PAQR4: variants seen among roughly 807,000 people sequenced by gnomAD.
PAQR4 encodes the protein progestin and adipoQ receptor family member 4.
PAQR4 carries 26 observed loss-of-function variants against 20.9 expected under a neutral mutation model. The observed-to-expected ratio is 1.24, with a 90% CI of 0.91 to 1.73. The LOEUF (loss-of-function observed/expected upper bound fraction) is 1.73, where lower values mean the gene tolerates loss of function less well. Ranked by LOEUF, PAQR4 falls within the 40% of genes most tolerant of loss-of-function variation. PAQR4 has a pLI of 0.00. For missense variants in PAQR4, 400 were observed against 380.1 expected, an observed-to-expected ratio of 1.05 and a Z score of -0.44; for synonymous variants, 193 against 171.6, an observed-to-expected ratio of 1.12 and a Z score of -0.97.
In PAQR4 at chr16:2,972,181, G is replaced by A. The variant is rs751594863; in HGVS notation, c.*233G>A. On this transcript the variant is annotated 3_prime_UTR_variant, in exon 3 of 3. Coordinates refer to ENST00000318782, the MANE Select transcript of PAQR4 (RefSeq NM_152341.5). The stretch of plus-strand genomic sequence containing the variant: ...AAGCTCCTATTTTACTGTGTCAGCT[G>A]GAAGGAAACCTTTCCCTCTTGGGAC... The A allele has an allele frequency of 1.8e-6, 1 of 570,820 alleles. No homozygotes were observed. The highest frequency in any genetic ancestry group is 3.1e-6 in the Non-Finnish European group (1 of 327,604). 35.4% of individuals were successfully genotyped at this position (570,820 alleles called of 1,614,324 possible). A position where few individuals can be genotyped will look rare whatever the true frequency, so the allele number is the denominator to read the frequency against.
chr16:2,971,453 T>A, intron 2 of PAQR4, 62 bp from the exon 3 acceptor site: 1 of 1,576,384 alleles, frequency 6.3e-7, no homozygotes, highest in Non-Finnish European at 8.6e-7. Context: ...AAGCCATGGG[T>A]AGGGAAGGGC....
At position 2,971,315 on chromosome 16, in the gene PAQR4, A is replaced by G; in HGVS notation, c.325A>G (p.Ser109Gly). 6.2e-7 allele frequency: 1 copy of G among 1,612,538 alleles called. No individual in the cohort carries two copies. The highest frequency in any genetic ancestry group is 2.2e-5 in the East Asian group (1 of 44,886). ...CCTCTTTATGTGCCACCAAGGGGGCAGCGCTGTGTACGCCCGGCTCCTCGC... is the reference window on the plus strand; with the variant it reads ...CCTCTTTATGTGCCACCAAGGGGGCGGCGCTGTGTACGCCCGGCTCCTCGC... Reference protein sequence around the residue: ...YHLFMCHQGGSAVYARLLALD... With the variant: ...YHLFMCHQGGGAVYARLLALD... The change falls in exon 2 of 3, where the codon AGC becomes GGC. Residue 109 changes from serine to glycine, a missense_variant. Ser to Gly is a moderately conservative substitution (Grantham distance 56). Coordinates refer to ENST00000318782, the MANE Select transcript of PAQR4 (RefSeq NM_152341.5).
chr16:2,972,698 C>T lies in PAQR4; in HGVS notation c.*750C>T. 8 of 1,535,914 alleles carry T rather than the reference C, an allele frequency of 5.2e-6. No individual in the cohort carries two copies. Among genetic ancestry groups the T allele is most frequent in the Non-Finnish European group, 6.1e-6 (7 of 1,146,838 alleles). ...ACAGCATGGGGCTTCAGCTGCTGGC[C>T]CAAGGCCAGGAGCGCTGGGTTCTGC... On this transcript the variant is annotated 3_prime_UTR_variant, in exon 3 of 3. Transcript: ENST00000318782.
At position 2,971,834 on chromosome 16, in the gene PAQR4, G is replaced by T. The variant is rs1018352019; in HGVS notation, c.708G>T (p.Trp236Cys). The T allele has an allele frequency of 1.2e-6, 2 of 1,612,462 alleles. No homozygotes were observed. Among genetic ancestry groups the T allele is most frequent in the Non-Finnish European group, 1.7e-6 (2 of 1,179,916 alleles). The change falls in exon 3 of 3, where the codon TGG becomes TGT. Residue 236 changes from tryptophan to cysteine, a missense_variant. Trp to Cys is a radical substitution (Grantham distance 215). Transcript: ENST00000318782. ...ERWGPGRFDY[W>C]GNSHQIMHLL... is the part of the protein sequence containing the mutation. ...GGGGACCTGGCCGCTTTGACTACTG[G>T]GGCAACTCCCACCAGATCATGCACC...
Position 2,971,911 on chromosome 16 carries a change from TG to T in PAQR4, c.786del (p.Leu263SerfsTer63). On this transcript the variant is annotated frameshift_variant, in exon 3 of 3. Transcript: ENST00000318782. LOFTEE classifies it high-confidence loss of function. Reference protein sequence around the residue: ...LQLHAGVVPDLLWAAHHACPR... With the variant: ...LQLHAGVVPDXLWAAHHACPR... Reference sequence around the variant, plus strand: ...CTGCACGCCGGCGTCGTGCCCGACCTGCTCTGGGCTGCCCACCACGCCTGTC... The same window carrying T: ...CTGCACGCCGGCGTCGTGCCCGACCTCTCTGGGCTGCCCACCACGCCTGTC... 6.2e-7 allele frequency: 1 copy of T among 1,602,308 alleles called. No homozygotes were observed. Among genetic ancestry groups the T allele is most frequent in the Non-Finnish European group, 8.5e-7 (1 of 1,178,246 alleles).
At position 2,969,441 on chromosome 16, in the gene PAQR4, C is replaced by G. The variant is rs1413868105; in HGVS notation, c.-234C>G. ...AGCCGACCGCAGTGCGCTCAGGCGT[C>G]CGGTGCGTCCCCAGCCTCCGCCCCG... On this transcript the variant is annotated 5_prime_UTR_variant, in exon 1 of 3. Coordinates refer to ENST00000318782, the MANE Select transcript of PAQR4 (RefSeq NM_152341.5). The G allele has an allele frequency of 4.0e-6, 1 of 247,522 alleles. No homozygotes were observed. Among genetic ancestry groups the G allele is most frequent in the Non-Finnish European group, 7.5e-6 (1 of 134,014 alleles). 15.3% of individuals were successfully genotyped at this position (247,522 alleles called of 1,614,324 possible). A position where few individuals can be genotyped will look rare whatever the true frequency, so the allele number is the denominator to read the frequency against.
chr16:2,971,341 C>T lies in PAQR4; in HGVS notation c.351C>T (p.Ala117=). ...GCGCTGTGTACGCCCGGCTCCTCGC[C>T]CTGGACATGTGTGGGGTCTGCCTTG... is the stretch of plus-strand genomic sequence containing the variant. The part of the protein sequence containing the change: ...GGSAVYARLL[A]LDMCGVCLVN... Residue 117 remains alanine (A), a synonymous_variant, in exon 2 of 3, where the codon GCC becomes GCT. Coordinates refer to ENST00000318782, the MANE Select transcript of PAQR4 (RefSeq NM_152341.5). 1.9e-6 allele frequency: 3 copies of T among 1,611,480 alleles called. No homozygotes were observed. The highest frequency in any genetic ancestry group is 2.5e-6 in the Non-Finnish European group (3 of 1,179,982).
Position 2,971,155 on chromosome 16 carries a change from A to G in PAQR4, c.167-2A>G. On this transcript the variant is annotated splice_acceptor_variant, in intron 1 of 2. Coordinates refer to ENST00000318782, the MANE Select transcript of PAQR4 (RefSeq NM_152341.5). LOFTEE classifies it high-confidence loss of function. ...CTGGTAGATGACTGTCTCCCTCCCT[A>G]GGGCTGGCCCTGCTGGGCTTCCTGG... 1 of 1,612,900 alleles carries G rather than the reference A, an allele frequency of 6.2e-7. No homozygotes were observed. Among genetic ancestry groups the G allele is most frequent in the Non-Finnish European group, 8.5e-7 (1 of 1,179,750 alleles).
Position 2,973,243 on chromosome 16 carries a change from G to C in PAQR4, c.*1295G>C, listed in dbSNP as rs1372429681. 6.7e-7 allele frequency: 1 copy of C among 1,482,066 alleles called. No individual in the cohort carries two copies. Among genetic ancestry groups the C allele is most frequent in the Admixed American group, 2.5e-5 (1 of 40,798 alleles). The allele number at this position is 1,482,066 out of a possible 1,614,324, so 91.8% of individuals were successfully genotyped here. A position where few individuals can be genotyped will look rare whatever the true frequency, so the allele number is the denominator to read the frequency against. On this transcript the variant is annotated 3_prime_UTR_variant, in exon 3 of 3. Coordinates refer to ENST00000318782, the MANE Select transcript of PAQR4 (RefSeq NM_152341.5). ...GCAGGAGGGCAGGCGAGACAAGGAG[G>C]GTGTCCAGGGCTAGGGAGTGCCGGA...
chr16:2,971,546 CTGCAGGCCCTGGCT>C lies in PAQR4; in HGVS notation c.421_434del (p.Cys141AlafsTer89), dbSNP rs2071991978. ...TGCCCATCATCCACTGCACCCTGGC[CTGCAGGCCCTGGCT>C]GCGCCCGGCTGCCCTGGTGGGCTAC... On this transcript the variant is annotated frameshift_variant, in exon 3 of 3. Transcript: ENST00000318782. LOFTEE classifies it high-confidence loss of function. 1.3e-6 allele frequency: 2 copies of C among 1,593,636 alleles called. No homozygotes were observed. Among genetic ancestry groups the C allele is most frequent in the Non-Finnish European group, 8.5e-7 (1 of 1,175,636 alleles).
rs1001288145 is a variant in PAQR4 at position 2,973,325 on chromosome 16, G to C, written c.*1377G>C. The C allele has an allele frequency of 6.5e-6, 10 of 1,532,240 alleles. No individual in the cohort carries two copies. The African/African-American group carries it at 1.2e-4, about 19-fold the overall frequency. 94.9% of individuals were successfully genotyped at this position (1,532,240 alleles called of 1,614,324 possible). A position where few individuals can be genotyped will look rare whatever the true frequency, so the allele number is the denominator to read the frequency against. Reference sequence around the variant, plus strand: ...GGCTCCCGCCTGACAAACAGGCAGGGAGCCACAGTCAGGGACAATAAAAAC... The same window carrying C: ...GGCTCCCGCCTGACAAACAGGCAGGCAGCCACAGTCAGGGACAATAAAAAC... On this transcript the variant is annotated 3_prime_UTR_variant, in exon 3 of 3. Transcript: ENST00000318782.
chr16:2,973,235 A>G lies in PAQR4; in HGVS notation c.*1287A>G. 6.7e-7 allele frequency: 1 copy of G among 1,484,630 alleles called. No individual in the cohort carries two copies. Among genetic ancestry groups the G allele is most frequent in the Non-Finnish European group, 9.0e-7 (1 of 1,113,600 alleles). The allele number at this position is 1,484,630 out of a possible 1,614,324, so 92.0% of individuals were successfully genotyped here. Reference sequence around the variant, plus strand: ...GAAGGCCTGCAGGAGGGCAGGCGAGACAAGGAGGGTGTCCAGGGCTAGGGA... The same window carrying G: ...GAAGGCCTGCAGGAGGGCAGGCGAGGCAAGGAGGGTGTCCAGGGCTAGGGA... On this transcript the variant is annotated 3_prime_UTR_variant, in exon 3 of 3. Coordinates refer to ENST00000318782, the MANE Select transcript of PAQR4 (RefSeq NM_152341.5).
At chr16:2,970,450 G>C (rs2071954802) in intron 1 of PAQR4, among the ~76,000 whole-genome samples, 1 of 152,210 alleles carries the variant, frequency 6.6e-6, no homozygotes, top group Admixed American at 6.5e-5. Flanking sequence ...CACAAGGGTG[G>C]GCAGCCTTCG....
intron 1 of PAQR4, chr16:2,970,336 G>A (rs1168773937): frequency 6.1e-6 from 1 of 163,530 alleles, no homozygotes; most frequent in Non-Finnish European, 1.3e-5. Context: ...GAGCTCTGCT[G>A]ACACAGCCCT....
rs370559367 is a variant in PAQR4 at position 2,973,266 on chromosome 16, G to A, written c.*1318G>A. On this transcript the variant is annotated 3_prime_UTR_variant, in exon 3 of 3. Coordinates refer to ENST00000318782, the MANE Select transcript of PAQR4 (RefSeq NM_152341.5). ...AGGGTGTCCAGGGCTAGGGAGTGCC[G>A]GATGAAACCAGCTCTGTCCCTGTGC... is the stretch of plus-strand genomic sequence containing the variant. 102 of 1,483,750 alleles carry A rather than the reference G, an allele frequency of 6.9e-5. No homozygotes were observed. The African/African-American group carries it at 8.1e-4, about 12-fold the overall frequency. The allele number at this position is 1,483,750 out of a possible 1,614,324, so 91.9% of individuals were successfully genotyped here.
chr16:2,972,446 G>A lies in PAQR4; in HGVS notation c.*498G>A, dbSNP rs1051181611. 4.6e-6 allele frequency: 3 copies of A among 645,318 alleles called. No individual in the cohort carries two copies. Among genetic ancestry groups the A allele is most frequent in the Non-Finnish European group, 7.8e-6 (3 of 382,180 alleles). 40.0% of individuals were successfully genotyped at this position (645,318 alleles called of 1,614,324 possible). On this transcript the variant is annotated 3_prime_UTR_variant, in exon 3 of 3. Coordinates refer to ENST00000318782, the MANE Select transcript of PAQR4 (RefSeq NM_152341.5). ...CCTCTGCCCAGAGACTATGGAGTAA[G>A]GCATTCAGGACAAAAGGACCAAGGG...
In PAQR4 at chr16:2,972,938, G is replaced by C; in HGVS notation, c.*990G>C. The C allele has an allele frequency of 6.3e-7, 1 of 1,592,652 alleles. No individual in the cohort carries two copies. Among genetic ancestry groups the C allele is most frequent in the Non-Finnish European group, 8.5e-7 (1 of 1,169,874 alleles). ...CAGGATAAAAGGTTAAAAGTGCAGA[G>C]GCAGAGTCTGGGGCTCAGGTTGGGT... On this transcript the variant is annotated 3_prime_UTR_variant, in exon 3 of 3. Coordinates refer to ENST00000318782, the MANE Select transcript of PAQR4 (RefSeq NM_152341.5).
intron 1 of PAQR4, among the ~76,000 whole-genome samples, chr16:2,970,512 T>A (rs1596439441): frequency 6.6e-6 from 1 of 151,992 alleles, no homozygotes; most frequent in South Asian, 2.1e-4. Flanking sequence ...CAGGGAGGGG[T>A]GGAGACCTCC....
chr16:2,971,363 C>G lies in PAQR4; in HGVS notation c.373C>G (p.Leu125Val). The G allele has an allele frequency of 6.2e-7, 1 of 1,609,686 alleles. No homozygotes were observed. ...CGCCCTGGACATGTGTGGGGTCTGC[C>G]TTGTCAACACCCTTGGTGAGTCAGG... ...LLALDMCGVC[L>V]VNTLGALPII... Residue 125 changes from leucine (L) to valine (V), a missense_variant, in exon 2 of 3, where the codon CTT becomes GTT. Coordinates refer to ENST00000318782, the MANE Select transcript of PAQR4 (RefSeq NM_152341.5).
Sources: allele counts gnomAD v4.1 joint callset (sites outside exome capture counted in the v4.1 genomes callset), GRCh38; gene constraint gnomAD v4.1.1; transcripts MANE v1.5; gene names NCBI Gene and HGNC (gene_info 2026-07-23, HGNC 2026-07-21).